The following LYN variants were observed in gnomAD, a reference collection of about 807,000 sequenced individuals.
The protein encoded by LYN is LYN proto-oncogene, Src family tyrosine kinase, also known as tyrosine-protein kinase Lyn.
Under a neutral mutation model 65.0 loss-of-function variants are expected in LYN, and 12 were observed. That is an observed-to-expected ratio of 0.18 (90% CI 0.12 to 0.30). The LOEUF (loss-of-function observed/expected upper bound fraction) is 0.30. LYN is among the 10% of genes least tolerant of loss of function. LYN has a pLI of 1.00. For synonymous variants in LYN, 222 were observed against 221.2 expected, an observed-to-expected ratio of 1.00 and a Z score of -0.03; for missense variants, 380 against 623.2, an observed-to-expected ratio of 0.61 and a Z score of 4.16.
intron 8 of LYN, among the ~76,000 whole-genome samples, chr8:55,962,543 G>A (rs537683143): frequency 1.3e-4 from 20 of 149,834 alleles, no homozygotes; most frequent in African/African-American, 4.2e-4. Flanking sequence ...TTGGTGAGAT[G>A]CATCTGTGGC....
In LYN at chr8:55,954,332, T is replaced by C. The variant is rs980835374; in HGVS notation, c.790+348T>C. On this transcript the variant is annotated intron_variant, in intron 8 of 12. Transcript: ENST00000519728. ...TTGCTTCCATCTCTGGGAAAGGTTA[T>C]CTTAGGGCTGGAACCCATTGGCTTA... 3.5e-4 allele frequency among the ~76,000 whole-genome samples: 54 copies of C among 152,192 alleles called. 1 individual carries two copies. Among genetic ancestry groups the C allele is most frequent in the African/African-American group, 1.3e-3 (52 of 41,432 alleles).
At position 56,012,216 on chromosome 8, in the gene LYN, A is replaced by G. The variant is rs1438076062; in HGVS notation, c.*2106A>G. ...GCACACACAGTCTCCTTACTTAGCT[A>G]TAGGTTTCCAGCCTCCCTGTGACAG... On this transcript the variant is annotated 3_prime_UTR_variant, in exon 13 of 13. Coordinates refer to ENST00000519728, the MANE Select transcript of LYN (RefSeq NM_002350.4). 1.1e-5 allele frequency: 2 copies of G among 181,776 alleles called. No individual in the cohort carries two copies. Among genetic ancestry groups the G allele is most frequent in the African/African-American group, 2.4e-5 (1 of 42,372 alleles). 11.3% of individuals were successfully genotyped at this position (181,776 alleles called of 1,614,324 possible). A position where few individuals can be genotyped will look rare whatever the true frequency, so the allele number is the denominator to read the frequency against.
In LYN at chr8:56,011,973, G is replaced by GTTT; in HGVS notation, c.*1871_*1873dup. On this transcript the variant is annotated 3_prime_UTR_variant, in exon 13 of 13. Transcript: ENST00000519728. ...AGAAGTCTCTAGAAAATGACTAGAG[G>GTTT]TTTTTTTTTTAGCATAACAAATTTA... 5.7e-6 allele frequency: 1 copy of GTTT among 176,982 alleles called. No individual in the cohort carries two copies. The highest frequency in any genetic ancestry group is 1.2e-5 in the Non-Finnish European group (1 of 83,978). The allele number at this position is 176,982 out of a possible 1,614,324, so 11.0% of individuals were successfully genotyped here. A position where few individuals can be genotyped will look rare whatever the true frequency, so the allele number is the denominator to read the frequency against.
intron 4 of LYN, among the ~76,000 whole-genome samples, chr8:55,949,760 A>G (rs1225005935): frequency 2.0e-5 from 3 of 152,124 alleles, no homozygotes; most frequent in Admixed American, 6.5e-5. Flanking sequence ...TCTTTTTAAT[A>G]GCTTTATTGA....
chr8:55,907,558 CT>C (rs545244471), intron 1 of LYN, among the ~76,000 whole-genome samples: 2 of 150,952 alleles, frequency 1.3e-5, no homozygotes, highest in Admixed American at 6.6e-5. Context: ...ATTGTAGGTG[CT>C]TTTTTTTTGG....
At chr8:55,923,642 C>T (rs1287372313) in intron 1 of LYN, among the ~76,000 whole-genome samples, 2 of 152,040 alleles carry the variant, frequency 1.3e-5, no homozygotes, top group Admixed American at 1.3e-4. Context: ...TGGGTTCAAG[C>T]GATTCTCCTG....
At chr8:55,934,985 C>T (rs1300542022) in intron 1 of LYN, among the ~76,000 whole-genome samples, 2 of 152,276 alleles carry the variant, frequency 1.3e-5, no homozygotes, top group East Asian at 1.9e-4. Context: ...ACCTAACCAT[C>T]GAAGCAGCTC....
At chr8:55,986,379 G>A (rs544943089) in intron 10 of LYN, among the ~76,000 whole-genome samples, 6 of 152,258 alleles carry the variant, frequency 3.9e-5, no homozygotes, top group African/African-American at 1.4e-4. Context: ...CTTCGGGGTA[G>A]TACAGTGAGT....
At chr8:55,927,400 A>G (rs1021553040) in intron 1 of LYN, among the ~76,000 whole-genome samples, 1 of 152,116 alleles carries the variant, frequency 6.6e-6, no homozygotes, top group Non-Finnish European at 1.5e-5. Flanking sequence ...AGGTTCCTCT[A>G]TGTCCTTTCA....
At chr8:55,911,219 A>G (rs1402266313) in intron 1 of LYN, among the ~76,000 whole-genome samples, 1 of 19,218 alleles carries the variant, frequency 5.2e-5, no homozygotes, top group Non-Finnish European at 1.1e-4. Flanking sequence ...ACACGTGTAT[A>G]TATATATACA....
chr8:55,973,088 G>A (rs1049292090), intron 10 of LYN, among the ~76,000 whole-genome samples: 2 of 152,144 alleles, frequency 1.3e-5, no homozygotes, highest in African/African-American at 4.8e-5. Flanking sequence ...ACTGTGAGGG[G>A]CAGAGTTGGG....
Position 55,950,543 on chromosome 8 carries a change from C to T in LYN, c.369C>T (p.Thr123=). The change falls in exon 5 of 13, where the codon ACC becomes ACT. Residue 123 remains threonine (T), a synonymous_variant. Transcript: ENST00000519728. ...IPSNYVAKLN[T]LETEEWFFKD... ...GCAACTATGTGGCCAAACTCAACAC[C>T]TTAGAAACAGAAGAGTGAGTCCTCA... The T allele has an allele frequency of 6.2e-7, 1 of 1,613,596 alleles. No homozygotes were observed. The highest frequency in any genetic ancestry group is 8.5e-7 in the Non-Finnish European group (1 of 1,179,806).
chr8:55,885,009 A>G (rs1018207573), intron 1 of LYN, among the ~76,000 whole-genome samples: 17 of 152,108 alleles, frequency 1.1e-4, no homozygotes, highest in Non-Finnish European at 1.9e-4. Flanking sequence ...TTGCTCTTTC[A>G]CTGAGCTTTA....
chr8:56,008,133 A>G (rs1186408043), intron 12 of LYN, among the ~76,000 whole-genome samples: 1 of 126,112 alleles, frequency 7.9e-6, no homozygotes, highest in Non-Finnish European at 1.8e-5. Context: ...AAAAAATAAA[A>G]TAAAATAAAA....
chr8:55,896,815 C>T (rs972884828), intron 1 of LYN, among the ~76,000 whole-genome samples: 3 of 152,212 alleles, frequency 2.0e-5, no homozygotes, highest in South Asian at 2.1e-4. Flanking sequence ...CTCGGCTCCC[C>T]GCAACCTCTG....
At chr8:55,959,966 A>T (rs757701782) in intron 8 of LYN, among the ~76,000 whole-genome samples, 3 of 152,212 alleles carry the variant, frequency 2.0e-5, no homozygotes, top group Non-Finnish European at 4.4e-5. Flanking sequence ...AGAATAGGCA[A>T]ATCTAGAGTT....
intron 1 of LYN, among the ~76,000 whole-genome samples, chr8:55,904,331 GAATATGATATGA>G (rs147182525): frequency 0.12 from 18,465 of 152,080 alleles, 1,498 homozygotes; most frequent in Middle Eastern, 0.28. Context: ...AAATTTCTTA[GAATATGATATGA>G]AATATGATAT....
intron 10 of LYN, among the ~76,000 whole-genome samples, chr8:55,994,273 T>A (rs1322710607): frequency 6.6e-6 from 1 of 152,246 alleles, no homozygotes; most frequent in Non-Finnish European, 1.5e-5. Flanking sequence ...TGAGAGCTTT[T>A]ATTTTGCTCC....
At chr8:55,968,574 A>G (rs1807524073) in intron 9 of LYN, among the ~76,000 whole-genome samples, 1 of 152,164 alleles carries the variant, frequency 6.6e-6, no homozygotes, top group African/African-American at 2.4e-5. Context: ...CCTAATATTT[A>G]TTGAGCACTT....
Sources: gnomAD v4.1 joint callset for allele counts (sites outside exome capture counted in the v4.1 genomes callset) on GRCh38, gnomAD v4.1.1 for gene constraint, MANE v1.5 for transcripts, NCBI Gene and HGNC (gene_info 2026-07-23, HGNC 2026-07-21) for gene names.